Variants in PLXNA4 observed in about 807,000 individuals in gnomAD.
PLXNA4 encodes the protein plexin-A4.
PLXNA4 carries 44 observed loss-of-function variants against 191.8 expected under a neutral mutation model. The observed-to-expected ratio is 0.23, with a 90% CI of 0.18 to 0.29. The LOEUF is 0.29. PLXNA4 is among the 10% of genes least tolerant of loss of function. The pLI is 1.00. For synonymous variants in PLXNA4, 1,082 were observed against 1,009.5 expected (o/e 1.07, Z -1.36); for missense variants, 1,800 against 2,488.8 (o/e 0.72, Z 5.89).
chr7:132,277,880 T>C (rs1006333878), intron 4 of PLXNA4, among the ~76,000 whole-genome samples: 5 of 152,176 alleles, frequency 3.3e-5, no homozygotes, highest in African/African-American at 4.8e-5. Flanking sequence ...AAAGCAACCG[T>C]AGACCACACA....
chr7:132,172,584 G>GA (rs11297050), intron 21 of PLXNA4, among the ~76,000 whole-genome samples: 1 of 151,746 alleles, frequency 6.6e-6, no homozygotes, highest in Non-Finnish European at 1.5e-5. Context: ...GAAGGGGTTG[G>GA]AAAAAAAGCA....
chr7:132,299,241 C>T (rs943736673), intron 3 of PLXNA4, among the ~76,000 whole-genome samples: 6 of 152,284 alleles, frequency 3.9e-5, no homozygotes, highest in South Asian at 2.1e-4. Context: ...CTACACATAA[C>T]GTAATTTTAG....
At chr7:132,363,133 C>T (rs1243393345) in intron 3 of PLXNA4, among the ~76,000 whole-genome samples, 3 of 152,082 alleles carry the variant, frequency 2.0e-5, no homozygotes, top group Non-Finnish European at 2.9e-5. Context: ...TACAGGCATG[C>T]GCCACCATGC....
intron 4 of PLXNA4, 105 bp from the exon 5 acceptor site, chr7:132,241,271 TG>T: frequency 2.6e-6 from 2 of 766,702 alleles, no homozygotes; most frequent in Non-Finnish European, 4.1e-6. Context: ...CCTGAAATGT[TG>T]CAGGAGCATG....
intron 3 of PLXNA4, among the ~76,000 whole-genome samples, chr7:132,349,646 C>T (rs1803401472): frequency 6.6e-6 from 1 of 152,168 alleles, no homozygotes; most frequent in Admixed American, 6.5e-5. Flanking sequence ...GGCTGCTTCC[C>T]ACAGTTTAAA....
At chr7:132,157,322 C>T (rs571610316) in intron 25 of PLXNA4, among the ~76,000 whole-genome samples, 11 of 152,292 alleles carry the variant, frequency 7.2e-5, no homozygotes, top group African/African-American at 2.2e-4. Flanking sequence ...GTGGCAGGAG[C>T]GACTGTGCCT....
At chr7:132,416,087 T>G (rs990768444) in intron 3 of PLXNA4, among the ~76,000 whole-genome samples, 1 of 152,202 alleles carries the variant, frequency 6.6e-6, no homozygotes, top group African/African-American at 2.4e-5. Context: ...ATGTGGCTGG[T>G]GGCCACCAGA....
At chr7:132,190,662 CA>C (rs1203100294) in intron 14 of PLXNA4, among the ~76,000 whole-genome samples, 3 of 152,164 alleles carry the variant, frequency 2.0e-5, no homozygotes, top group Non-Finnish European at 2.9e-5. Context: ...GATGGAGCCT[CA>C]GGGGTGGGGG....
chr7:132,370,413 A>G (rs1187792466), intron 3 of PLXNA4, among the ~76,000 whole-genome samples: 1 of 152,206 alleles, frequency 6.6e-6, no homozygotes, highest in Non-Finnish European at 1.5e-5. Flanking sequence ...GTGGCCTCTC[A>G]AATGCTGGAG....
intron 3 of PLXNA4, among the ~76,000 whole-genome samples, chr7:132,319,322 T>C (rs1298760812): frequency 6.6e-6 from 1 of 152,180 alleles, no homozygotes; most frequent in East Asian, 1.9e-4. Context: ...GAGTAAGTGC[T>C]ACTGGTGATT....
intron 4 of PLXNA4, among the ~76,000 whole-genome samples, chr7:132,265,347 T>C (rs73157238): frequency 0.083 from 12,621 of 152,278 alleles, 686 homozygotes; most frequent in African/African-American, 0.15. Context: ...GTTAAGTGTC[T>C]ATCCCAAGCT....
intron 4 of PLXNA4, among the ~76,000 whole-genome samples, chr7:132,278,197 C>A (rs1483217507): frequency 6.6e-6 from 1 of 152,202 alleles, no homozygotes; most frequent in African/African-American, 2.4e-5. Flanking sequence ...CCCTTACATA[C>A]AACCTGAATC....
intron 3 of PLXNA4, among the ~76,000 whole-genome samples, chr7:132,466,506 C>T (rs1171384775): frequency 1.3e-5 from 2 of 152,224 alleles, no homozygotes; most frequent in African/African-American, 2.4e-5. Flanking sequence ...ATGTAAATCA[C>T]GCAGAGCAGC....
chr7:132,250,155 C>G (rs1022751970), intron 4 of PLXNA4, among the ~76,000 whole-genome samples: 1 of 152,134 alleles, frequency 6.6e-6, no homozygotes, highest in Non-Finnish European at 1.5e-5. Flanking sequence ...TCTAAGTACC[C>G]TGATGGGTTG....
intron 4 of PLXNA4, among the ~76,000 whole-genome samples, chr7:132,292,606 T>A (rs982736821): frequency 6.6e-6 from 1 of 152,192 alleles, no homozygotes; most frequent in African/African-American, 2.4e-5. Context: ...AGTCCAAAGC[T>A]CATTCACTCA....
At chr7:132,611,682 A>T (rs1401919821) in intron 2 of PLXNA4, among the ~76,000 whole-genome samples, 3 of 152,208 alleles carry the variant, frequency 2.0e-5, no homozygotes, top group African/African-American at 7.2e-5. Context: ...ACTGTATCTA[A>T]GGCTGACAAT....
chr7:132,276,943 T>C (rs1450154772), intron 4 of PLXNA4, among the ~76,000 whole-genome samples: 2 of 152,180 alleles, frequency 1.3e-5, no homozygotes, highest in Non-Finnish European at 2.9e-5. Context: ...GCTGAGCCCC[T>C]AGATGGATTC....
chr7:132,607,643 G>A (rs1802952241), intron 2 of PLXNA4, among the ~76,000 whole-genome samples: 1 of 152,200 alleles, frequency 6.6e-6, no homozygotes, highest in Non-Finnish European at 1.5e-5. Context: ...GTGCCTTTTT[G>A]CAGCCTAGAA....
intron 2 of PLXNA4, among the ~76,000 whole-genome samples, chr7:132,638,403 G>A (rs1209026793): frequency 1.3e-5 from 2 of 152,238 alleles, no homozygotes; most frequent in East Asian, 1.9e-4. Context: ...TGTAATCCCA[G>A]CACTTTGGGA....
Sources: allele counts gnomAD v4.1 joint callset (sites outside exome capture counted in the v4.1 genomes callset), GRCh38; gene constraint gnomAD v4.1.1; transcripts MANE v1.5; gene names NCBI Gene and HGNC (gene_info 2026-07-23, HGNC 2026-07-21).